CNTN1: variants seen among roughly 807,000 people sequenced by gnomAD.
CNTN1 encodes contactin-1.
In CNTN1, 38 loss-of-function variants were observed where a neutral mutation model predicts 126.4. The ratio of observed to expected loss-of-function variants is 0.30; its 90% CI spans 0.23 to 0.39. The LOEUF is 0.39. Among genes scored for constraint, CNTN1 ranks in the 10% least tolerant of loss-of-function variants. The pLI, the probability that CNTN1 is intolerant of heterozygous loss-of-function variation, is 1.00. For missense variants in CNTN1, 1,009 were observed against 1,248.4 expected, an observed-to-expected ratio of 0.81 and a Z score of 2.89; for synonymous variants, 413 against 422.6, an observed-to-expected ratio of 0.98 and a Z score of 0.28.
chr12:41,066,864 A>G (rs1259819171), intron 23 of CNTN1, among the ~76,000 whole-genome samples: 3 of 152,216 alleles, frequency 2.0e-5, no homozygotes, highest in Admixed American at 1.3e-4. Flanking sequence ...AAGAATTCCC[A>G]TGGAAGAGAT....
intron 1 of CNTN1, among the ~76,000 whole-genome samples, chr12:40,816,382 G>A (rs182200333): frequency 1.3e-4 from 20 of 152,096 alleles, no homozygotes; most frequent in East Asian, 5.8e-4. Flanking sequence ...GTCCTGATAC[G>A]GTGTACATGT....
intron 6 of CNTN1, among the ~76,000 whole-genome samples, chr12:40,927,351 A>G (rs1945731319): frequency 6.6e-6 from 1 of 152,136 alleles, no homozygotes; most frequent in Non-Finnish European, 1.5e-5. Flanking sequence ...ATCAGGGCTT[A>G]GCTCTTGATT....
intron 1 of CNTN1, among the ~76,000 whole-genome samples, chr12:40,775,947 A>G (rs1325250905): frequency 4.6e-5 from 7 of 151,686 alleles, no homozygotes; most frequent in Non-Finnish European, 7.4e-5. Flanking sequence ...TCAATTACAG[A>G]TATAGATAGA....
At chr12:40,975,178 T>TATATA (rs1947636509) in intron 15 of CNTN1, among the ~76,000 whole-genome samples, 2 of 48,650 alleles carry the variant, frequency 4.1e-5, no homozygotes, top group African/African-American at 1.4e-4. Flanking sequence ...GTAAAATGGA[T>TATATA]TATATATATA....
chr12:40,757,492 G>A (rs1938660465), intron 1 of CNTN1, among the ~76,000 whole-genome samples: 2 of 152,192 alleles, frequency 1.3e-5, no homozygotes, highest in Admixed American at 6.5e-5. Flanking sequence ...GGCTTGCTCT[G>A]TGATAGTTAA....
rs143244333 is a variant in CNTN1 at position 40,979,632 on chromosome 12, A to G, written c.1805-1277A>G. On this transcript the variant is annotated intron_variant, in intron 15 of 23. Transcript: ENST00000551295. The stretch of plus-strand genomic sequence containing the variant: ...TATGTTTAGTTATAAACATTCTGAA[A>G]TGTCTATACTAGGAGCTGTCTATTA... 3.3e-5 allele frequency among the ~76,000 whole-genome samples: 5 copies of G among 152,246 alleles called. No individual in the cohort carries two copies. The East Asian group carries it at 7.7e-4, about 24-fold the overall frequency.
chr12:40,988,807 T>G (rs77226898), intron 16 of CNTN1, among the ~76,000 whole-genome samples: 1,800 of 152,282 alleles, frequency 0.012, 17 homozygotes, highest in Middle Eastern at 0.02. Flanking sequence ...GAACTACCCA[T>G]TTAATACACA....
At chr12:40,778,598 C>G (rs1237319212) in intron 1 of CNTN1, among the ~76,000 whole-genome samples, 1 of 151,724 alleles carries the variant, frequency 6.6e-6, no homozygotes, top group Non-Finnish European at 1.5e-5. Flanking sequence ...TTCAAAGTAT[C>G]TTTTATGAAT....
chr12:40,976,716 CA>C (rs930344817), intron 15 of CNTN1, among the ~76,000 whole-genome samples: 1 of 151,570 alleles, frequency 6.6e-6, no homozygotes. Flanking sequence ...CCATTCTAAA[CA>C]AAAAAAATAA....
chr12:40,848,548 A>T (rs542822516), intron 1 of CNTN1, among the ~76,000 whole-genome samples: 47 of 152,306 alleles, frequency 3.1e-4, no homozygotes, highest in African/African-American at 1.0e-3. Flanking sequence ...AGAGATTCAG[A>T]TACTATTTTG....
chr12:40,724,931 T>C (rs888658993), intron 1 of CNTN1, among the ~76,000 whole-genome samples: 2 of 152,208 alleles, frequency 1.3e-5, no homozygotes, highest in East Asian at 1.9e-4. Flanking sequence ...AAATCAGCCA[T>C]GTAGATGACA....
At chr12:41,027,408 G>T (rs1949058028) in intron 21 of CNTN1, among the ~76,000 whole-genome samples, 1 of 152,100 alleles carries the variant, frequency 6.6e-6, no homozygotes, top group South Asian at 2.1e-4. Context: ...GGAAGCAGCA[G>T]CCCATGAGGT....
At chr12:41,020,475 T>C in intron 20 of CNTN1, 35 bp downstream of exon 20, 1 of 1,306,896 alleles carries the variant, frequency 7.7e-7, no homozygotes. Context: ...AATACATTTA[T>C]TCATAAATAT....
intron 23 of CNTN1, among the ~76,000 whole-genome samples, chr12:41,044,403 A>G: frequency 6.6e-6 from 1 of 152,242 alleles, no homozygotes; most frequent in Non-Finnish European, 1.5e-5. Context: ...TCCTTTAAAA[A>G]TATATTATTT....
At chr12:40,874,509 A>G (rs1943606362) in intron 1 of CNTN1, among the ~76,000 whole-genome samples, 1 of 152,178 alleles carries the variant, frequency 6.6e-6, no homozygotes, top group African/African-American at 2.4e-5. Flanking sequence ...AAAGCAATAT[A>G]TAGAAACATT....
chr12:40,847,762 G>C (rs1231341058), intron 1 of CNTN1, among the ~76,000 whole-genome samples: 1 of 152,186 alleles, frequency 6.6e-6, no homozygotes, highest in Non-Finnish European at 1.5e-5. Context: ...TCCCTCTCCT[G>C]TTGGGGATCC....
intron 19 of CNTN1, among the ~76,000 whole-genome samples, chr12:41,019,921 T>C (rs1283018174): frequency 6.6e-6 from 1 of 152,162 alleles, no homozygotes; most frequent in Non-Finnish European, 1.5e-5. Context: ...AATATAGAGT[T>C]GACAGCTAAA....
intron 1 of CNTN1, among the ~76,000 whole-genome samples, chr12:40,776,789 T>C (rs2136442096): frequency 6.6e-6 from 1 of 151,926 alleles, no homozygotes; most frequent in South Asian, 2.1e-4. Context: ...TGTACAATTC[T>C]CATTTTTCTA....
chr12:40,939,511 T>C, intron 12 of CNTN1, 26 bp downstream of exon 12: 1 of 1,612,420 alleles, frequency 6.2e-7, no homozygotes, highest in Non-Finnish European at 8.5e-7. Flanking sequence ...AGAAATCCAA[T>C]TGCAAAATCT....
Sources: gnomAD v4.1 joint callset for allele counts (sites outside exome capture counted in the v4.1 genomes callset) on GRCh38, gnomAD v4.1.1 for gene constraint, MANE v1.5 for transcripts, NCBI Gene and HGNC (gene_info 2026-07-23, HGNC 2026-07-21) for gene names.